MDH1B: variants seen among roughly 807,000 people sequenced by gnomAD.
MDH1B encodes the protein malate dehydrogenase 1B.
Under a neutral mutation model 61.4 loss-of-function variants are expected in MDH1B, and 60 were observed. The observed-to-expected ratio is 0.98, with a 90% CI of 0.79 to 1.21. The LOEUF (loss-of-function observed/expected upper bound fraction) is 1.21. MDH1B is among the 50% of genes most tolerant of loss of function. The probability of loss-of-function intolerance (pLI) is 0.00; values close to 1 mark genes in which losing one functional copy is unlikely to be tolerated. For missense variants in MDH1B, 587 were observed against 632.1 expected (o/e 0.93, Z 0.76); for synonymous variants, 236 against 218.7 (o/e 1.08, Z -0.70).
At chr2:206,761,968 A>T (rs994223290) in intron 1 of MDH1B, among the ~76,000 whole-genome samples, 1 of 152,174 alleles carries the variant, frequency 6.6e-6, no homozygotes, top group African/African-American at 2.4e-5. Flanking sequence ...AATGAGCCTG[A>T]TAAAAGCCCC....
intron 10 of MDH1B, among the ~76,000 whole-genome samples, chr2:206,740,518 T>C (rs1687748564): frequency 6.6e-6 from 1 of 152,124 alleles, no homozygotes; most frequent in Non-Finnish European, 1.5e-5. Context: ...AAAATCTGCA[T>C]AAGTGGACCT....
intron 2 of MDH1B, among the ~76,000 whole-genome samples, chr2:206,759,033 G>C (rs1366708289): frequency 6.7e-6 from 1 of 148,926 alleles, no homozygotes; most frequent in South Asian, 2.1e-4. Context: ...TTGTTACATA[G>C]GTAAATTTGT....
intron 2 of MDH1B, 75 bp downstream of exon 2, chr2:206,760,826 C>A: frequency 1.2e-6 from 1 of 817,088 alleles, no homozygotes; most frequent in Non-Finnish European, 2.1e-6. Context: ...CAGTCTAATA[C>A]ACCAGTTAAT....
At chr2:206,745,513 T>A (rs926317483) in intron 9 of MDH1B, 109 bp downstream of exon 9, 1 of 839,314 alleles carries the variant, frequency 1.2e-6, no homozygotes, top group Non-Finnish European at 1.9e-6. Context: ...AGTTTAGAAA[T>A]GACAAAATAT....
intron 1 of MDH1B, among the ~76,000 whole-genome samples, chr2:206,761,657 G>A (rs1039227374): frequency 3.9e-5 from 6 of 151,916 alleles, no homozygotes; most frequent in African/African-American, 1.5e-4. Context: ...CATATATATG[G>A]GGTGCAGGTG....
Position 206,755,203 on chromosome 2 carries a change from T to G in MDH1B, c.716A>C (p.Tyr239Ser), listed in dbSNP as rs771831725. Residue 239 changes from tyrosine to serine, a missense_variant, in exon 5 of 12, where the codon TAT becomes TCT. Tyr to Ser is a moderately radical substitution (Grantham distance 144). Coordinates refer to ENST00000374412, the MANE Select transcript of MDH1B (RefSeq NM_001039845.3). ...LRSRVPLCRL[Y>S]GYLIEKNAHE... ...AGCATTTTTCTCTATCAGGTACCCA[T>G]AGAGCCTGCAGAGAGGCACCCTGCT... 6.2e-7 allele frequency: 1 copy of G among 1,614,118 alleles called. No individual in the cohort carries two copies. Among genetic ancestry groups the G allele is most frequent in the Non-Finnish European group, 8.5e-7 (1 of 1,179,984 alleles).
chr2:206,756,077 C>A (rs1442698604), intron 4 of MDH1B, among the ~76,000 whole-genome samples: 2 of 152,092 alleles, frequency 1.3e-5, no homozygotes, highest in Non-Finnish European at 2.9e-5. Flanking sequence ...TAATGCCCAC[C>A]ATGGGAAGTT....
chr2:206,753,161 C>T (rs901575617), intron 5 of MDH1B, among the ~76,000 whole-genome samples: 4 of 152,132 alleles, frequency 2.6e-5, no homozygotes, highest in African/African-American at 9.7e-5. Flanking sequence ...GAGGGATAGG[C>T]CAGCAGAGAG....
At position 206,738,486 on chromosome 2, in the gene MDH1B, G is replaced by A. The variant is rs1163541913; in HGVS notation, c.1554C>T (p.Ser518=). 6.3e-7 allele frequency: 1 copy of A among 1,581,328 alleles called. No homozygotes were observed. The highest frequency in any genetic ancestry group is 8.6e-7 in the Non-Finnish European group (1 of 1,158,648). The stretch of plus-strand genomic sequence containing the variant: ...ATATTTCATCCAATTTGATCTGTTA[G>A]GATTCCACGGTTTTGCCTTCAAATT... ...LNEFEGKTVE[S] is the part of the protein sequence containing the mutation. Residue 518 remains serine (S), a synonymous_variant, in exon 12 of 12, where the codon TCC becomes TCT. Transcript: ENST00000374412.
At chr2:206,763,901 C>CT (rs966029876) in intron 1 of MDH1B, among the ~76,000 whole-genome samples, 2 of 151,762 alleles carry the variant, frequency 1.3e-5, no homozygotes, top group Admixed American at 1.3e-4. Context: ...AAGTAAGGTC[C>CT]CTGCTATCGT....
chr2:206,743,545 A>T (rs1439222437), intron 9 of MDH1B, among the ~76,000 whole-genome samples: 1 of 151,968 alleles, frequency 6.6e-6, no homozygotes, highest in African/African-American at 2.4e-5. Flanking sequence ...TGAGGCAACA[A>T]CTCCCCATTT....
intron 9 of MDH1B, among the ~76,000 whole-genome samples, chr2:206,743,091 G>C (rs1480750286): frequency 6.6e-6 from 1 of 152,152 alleles, no homozygotes; most frequent in Admixed American, 6.5e-5. Flanking sequence ...GATAATAGTT[G>C]AAGGAACACA....
rs748692130 is a variant in MDH1B at position 206,761,007 on chromosome 2, G to C, written c.29C>G (p.Ala10Gly). 1.3e-6 allele frequency: 2 copies of C among 1,577,496 alleles called. No individual in the cohort carries two copies. The highest frequency in any genetic ancestry group is 3.3e-5 in the Admixed American group (2 of 59,826). MAKFVIAGR[A>G]DCPYYAKTEL... ...TGTTTTAGCATAATATGGACAATCTGCTCTACCTAAAAGAGTTCAAATTAG... is the reference window on the plus strand; with the variant it reads ...TGTTTTAGCATAATATGGACAATCTCCTCTACCTAAAAGAGTTCAAATTAG... The change falls in exon 2 of 12, where the codon GCA (alanine) becomes GGA (glycine). Residue 10 changes from alanine (A) to glycine (G), a missense_variant. Physicochemically the swap from Ala to Gly is moderately conservative, Grantham distance 60. Coordinates refer to ENST00000374412, the MANE Select transcript of MDH1B (RefSeq NM_001039845.3).
Position 206,761,029 on chromosome 2 carries a change from T to C in MDH1B, c.23-16A>G. On this transcript the variant is annotated splice_polypyrimidine_tract_variant and intron_variant, in intron 1 of 11. Transcript: ENST00000374412. Reference sequence around the variant, plus strand: ...TCTGCTCTACCTAAAAGAGTTCAAATTAGCAATGTTTTCTTTCATCATGCA... The same window carrying C: ...TCTGCTCTACCTAAAAGAGTTCAAACTAGCAATGTTTTCTTTCATCATGCA... 1 of 1,358,390 alleles carries C rather than the reference T, an allele frequency of 7.4e-7. No individual in the cohort carries two copies. The highest frequency in any genetic ancestry group is 1.3e-5 in the South Asian group (1 of 79,910). 84.1% of individuals were successfully genotyped at this position (1,358,390 alleles called of 1,614,324 possible). A position where few individuals can be genotyped will look rare whatever the true frequency, so the allele number is the denominator to read the frequency against.
chr2:206,740,266 T>C (rs528365309), intron 10 of MDH1B, among the ~76,000 whole-genome samples: 2 of 152,190 alleles, frequency 1.3e-5, no homozygotes, highest in South Asian at 4.1e-4. Flanking sequence ...AACAGTTGAT[T>C]AACATATATT....
chr2:206,762,427 C>G (rs1457674065), intron 1 of MDH1B, among the ~76,000 whole-genome samples: 1 of 152,188 alleles, frequency 6.6e-6, no homozygotes, highest in Non-Finnish European at 1.5e-5. Context: ...CTAATCCCAC[C>G]ACTTATGCTC....
At chr2:206,743,281 T>C (rs1346447291) in intron 9 of MDH1B, among the ~76,000 whole-genome samples, 1 of 152,224 alleles carries the variant, frequency 6.6e-6, no homozygotes, top group Non-Finnish European at 1.5e-5. Context: ...TTTTCAGGTA[T>C]CATTTTATCT....
At chr2:206,749,664 T>A (rs1688322498) in intron 6 of MDH1B, among the ~76,000 whole-genome samples, 1 of 152,242 alleles carries the variant, frequency 6.6e-6, no homozygotes, top group South Asian at 2.1e-4. Context: ...AACTCAGGTC[T>A]AAACACAAAG....
At chr2:206,742,093 T>G (rs1687844830) in intron 9 of MDH1B, among the ~76,000 whole-genome samples, 1 of 152,140 alleles carries the variant, frequency 6.6e-6, no homozygotes, top group Admixed American at 6.6e-5. Flanking sequence ...GACAAAGTGA[T>G]GAAAGAAAAT....
Sources: allele counts gnomAD v4.1 joint callset (sites outside exome capture counted in the v4.1 genomes callset), GRCh38; gene constraint gnomAD v4.1.1; transcripts MANE v1.5; gene names NCBI Gene and HGNC (gene_info 2026-07-23, HGNC 2026-07-21).